Variants in ECD observed in about 807,000 individuals in gnomAD.
ECD encodes ecdysoneless cell cycle regulator, also known as protein ecdysoneless homolog.
ECD carries 59 observed loss-of-function variants against 77.2 expected under a neutral mutation model. The observed-to-expected ratio is 0.76, with a 90% CI of 0.62 to 0.95. The LOEUF (loss-of-function observed/expected upper bound fraction) is 0.95, where lower values mean the gene tolerates loss of function less well. Among genes scored for constraint, ECD ranks in the 40% least tolerant of loss-of-function variants. ECD has a pLI of 0.00. For missense variants in ECD, 704 were observed against 763.4 expected (o/e 0.92, Z 0.92); for synonymous variants, 233 against 267.4 (o/e 0.87, Z 1.26).
chr10:73,157,084 C>G (rs1484120250), intron 3 of ECD, among the ~76,000 whole-genome samples: 1 of 151,626 alleles, frequency 6.6e-6, no homozygotes, highest in East Asian at 1.9e-4. Flanking sequence ...GAGTCTCGCT[C>G]TGTCACTCAG....
chr10:73,162,640 A>C (rs1006588449), intron 2 of ECD, among the ~76,000 whole-genome samples: 1 of 152,322 alleles, frequency 6.6e-6, no homozygotes, highest in East Asian at 1.9e-4. Flanking sequence ...TGATGTATAC[A>C]TGGGGGGTAT....
chr10:73,146,387 G>A lies in ECD; in HGVS notation c.1042-26C>T, dbSNP rs374727566. Reference sequence around the variant, plus strand: ...CTTAAAAAAAAAAAAAGGTCTATCAGAACATTACTCACAAGTTGTCATGAA... The same window carrying A: ...CTTAAAAAAAAAAAAAGGTCTATCAAAACATTACTCACAAGTTGTCATGAA... On this transcript the variant is annotated intron_variant, in intron 8 of 13. Coordinates refer to ENST00000372979, the MANE Select transcript of ECD (RefSeq NM_007265.3). 97 of 1,441,418 alleles carry A rather than the reference G, an allele frequency of 6.7e-5. 2 individuals are homozygous for A. Among genetic ancestry groups the A allele is most frequent in the Non-Finnish European group, 8.7e-5 (92 of 1,055,594 alleles). 89.3% of individuals were successfully genotyped at this position (1,441,418 alleles called of 1,614,324 possible).
intron 11 of ECD, 30 bp downstream of exon 11, chr10:73,139,279 T>G (rs1387082750): frequency 6.4e-7 from 1 of 1,560,324 alleles, no homozygotes; most frequent in Admixed American, 2.1e-5. Flanking sequence ...GTTCTAGCTA[T>G]TTATATATTT....
chr10:73,161,290 T>A (rs1418089386), intron 2 of ECD, among the ~76,000 whole-genome samples: 1 of 151,996 alleles, frequency 6.6e-6, no homozygotes, highest in African/African-American at 2.4e-5. Flanking sequence ...TTGGGTTTTT[T>A]TTAAAAGATT....
chr10:73,160,401 A>G, intron 3 of ECD, 33 bp downstream of exon 3: 1 of 1,423,128 alleles, frequency 7.0e-7, no homozygotes, highest in Non-Finnish European at 9.5e-7. Flanking sequence ...CAGTAATAGA[A>G]TTCCTTTAGA....
intron 2 of ECD, among the ~76,000 whole-genome samples, chr10:73,161,397 A>C (rs533009043): frequency 6.6e-6 from 1 of 152,326 alleles, no homozygotes; most frequent in South Asian, 2.1e-4. Flanking sequence ...ATGTCATAGA[A>C]ATAAGAAGGA....
chr10:73,143,743 C>T (rs1843088223), intron 9 of ECD, among the ~76,000 whole-genome samples: 1 of 150,204 alleles, frequency 6.7e-6, no homozygotes, highest in Non-Finnish European at 1.5e-5. Flanking sequence ...ACTATAGTCA[C>T]CCTGTTGTAC....
Position 73,142,998 on chromosome 10 carries a change from A to G in ECD, c.1128-3261T>C, listed in dbSNP as rs1843078054. Among the ~76,000 whole-genome samples the G allele has an allele frequency of 3.3e-5, 5 of 152,108 alleles. No individual in the cohort carries two copies. The South Asian group carries it at 1.0e-3, about 32-fold the overall frequency. On this transcript the variant is annotated intron_variant, in intron 9 of 13. Coordinates refer to ENST00000372979, the MANE Select transcript of ECD (RefSeq NM_007265.3). ...TCTTCATAGCACTTACCACCCCCTAATATTACATAATGGCTTGCGGTCTTT... is the reference window on the plus strand; with the variant it reads ...TCTTCATAGCACTTACCACCCCCTAGTATTACATAATGGCTTGCGGTCTTT...
In ECD at chr10:73,163,901, T is replaced by C. The variant is rs1164457280; in HGVS notation, c.37A>G (p.Thr13Ala). Residue 13 changes from threonine (T) to alanine (A), a missense_variant, in exon 2 of 14, where the codon ACA becomes GCA. Thr to Ala is a moderately conservative substitution (Grantham distance 58). Coordinates refer to ENST00000372979, the MANE Select transcript of ECD (RefSeq NM_007265.3). ...ETMKLATMEDTVEYCLFLIPD... is the reference protein window; with the variant it reads ...ETMKLATMEDAVEYCLFLIPD... Reference sequence around the variant, plus strand: ...ATCAGGAACAGGCAGTACTCCACTGTGTCTTCCATCGTAGCAAGCTTCATG... The same window carrying C: ...ATCAGGAACAGGCAGTACTCCACTGCGTCTTCCATCGTAGCAAGCTTCATG... 7 of 1,614,106 alleles carry C rather than the reference T, an allele frequency of 4.3e-6. No individual in the cohort carries two copies. Among genetic ancestry groups the C allele is most frequent in the Non-Finnish European group, 5.9e-6 (7 of 1,180,042 alleles).
intron 9 of ECD, among the ~76,000 whole-genome samples, chr10:73,144,897 TG>T (rs1212429759): frequency 6.6e-6 from 1 of 152,102 alleles, no homozygotes; most frequent in Non-Finnish European, 1.5e-5. Flanking sequence ...CTTAAAAAAA[TG>T]GAATAACTAA....
chr10:73,155,797 T>G (rs924109103), intron 5 of ECD, among the ~76,000 whole-genome samples: 2 of 151,898 alleles, frequency 1.3e-5, no homozygotes, highest in East Asian at 1.9e-4. Context: ...AGAGATGGGA[T>G]TTCACTATGT....
rs2133272906 is a variant in ECD at position 73,160,421 on chromosome 10, A to G, written c.323+13T>C. 1 of 1,522,576 alleles carries G rather than the reference A, an allele frequency of 6.6e-7. No homozygotes were observed. The highest frequency in any genetic ancestry group is 1.4e-5 in the African/African-American group (1 of 71,288). The allele number at this position is 1,522,576 out of a possible 1,614,324, so 94.3% of individuals were successfully genotyped here. Reference sequence around the variant, plus strand: ...ATAGAATTCCTTTAGAATAATTAAAATAACTACAATACCTTGCTACTAACT... The same window carrying G: ...ATAGAATTCCTTTAGAATAATTAAAGTAACTACAATACCTTGCTACTAACT... On this transcript the variant is annotated intron_variant, in intron 3 of 13. Transcript: ENST00000372979.
chr10:73,156,237 G>T (rs776901665), intron 5 of ECD, 38 bp downstream of exon 5: 3 of 1,520,630 alleles, frequency 2.0e-6, no homozygotes, highest in Non-Finnish European at 2.6e-6. Flanking sequence ...GAAACCAAAA[G>T]GTTCCTTAAT....
rs1842955652 is a variant in ECD, at chr10:73,134,597, GCTTA to G, written c.1917_1920del (p.Lys640GlnfsTer9). On this transcript the variant is annotated frameshift_variant, in exon 14 of 14. Coordinates refer to ENST00000372979, the MANE Select transcript of ECD (RefSeq NM_007265.3). LOFTEE classifies it high-confidence loss of function. ...AAATGTGCTGGTTAATTTTTTGTTG[GCTTA>G]CTTGTTGGTCTGTGATCGGTGTTGT... 6.2e-7 allele frequency: 1 copy of G among 1,612,974 alleles called. No individual in the cohort carries two copies. The highest frequency in any genetic ancestry group is 1.3e-5 in the African/African-American group (1 of 74,898).
chr10:73,164,074 GCATGTAA>G, intron 1 of ECD, 124 bp from the exon 2 acceptor site: 1 of 770,472 alleles, frequency 1.3e-6, no homozygotes, highest in East Asian at 2.7e-5. Flanking sequence ...AGTGGTTCAT[GCATGTAA>G]TCCTATCACT....
At chr10:73,153,510 G>C (rs1843244850) in intron 6 of ECD, among the ~76,000 whole-genome samples, 2 of 151,644 alleles carry the variant, frequency 1.3e-5, no homozygotes, top group African/African-American at 4.8e-5. Context: ...GCTGAGGTGG[G>C]TGAATCACTT....
chr10:73,142,293 G>A (rs1422618314), intron 9 of ECD, among the ~76,000 whole-genome samples: 2 of 151,992 alleles, frequency 1.3e-5, no homozygotes, highest in Non-Finnish European at 2.9e-5. Flanking sequence ...ACAGGTGTGA[G>A]CCACTGTGCC....
intron 5 of ECD, 117 bp downstream of exon 5, chr10:73,156,158 G>T: frequency 1.1e-6 from 1 of 904,298 alleles, no homozygotes; most frequent in Non-Finnish European, 1.6e-6. Flanking sequence ...TATAGTCAAA[G>T]AAAGACTGAT....
At chr10:73,142,330 C>CA (rs987768340) in intron 9 of ECD, among the ~76,000 whole-genome samples, 9 of 151,122 alleles carry the variant, frequency 6.0e-5, no homozygotes, top group African/African-American at 1.7e-4. Flanking sequence ...TTTTAATTGA[C>CA]AAAAAAGTGT....
Sources: allele counts gnomAD v4.1 joint callset (sites outside exome capture counted in the v4.1 genomes callset), GRCh38; gene constraint gnomAD v4.1.1; transcripts MANE v1.5; gene names NCBI Gene and HGNC (gene_info 2026-07-23, HGNC 2026-07-21).